PCDHGA4: variants seen among roughly 807,000 people sequenced by gnomAD.
PCDHGA4 encodes the protein protocadherin gamma subfamily A, 4.
A neutral mutation model predicts 54.6 loss-of-function variants in PCDHGA4; 38 were observed. The observed-to-expected ratio is 0.70, with a 90% CI of 0.54 to 0.91. PCDHGA4 has a LOEUF of 0.91. Among genes scored for constraint, PCDHGA4 ranks in the 40% least tolerant of loss-of-function variants. The pLI, the probability that PCDHGA4 is intolerant of heterozygous loss-of-function variation, is 0.00. For missense variants in PCDHGA4, 1,298 were observed against 1,220.9 expected, an observed-to-expected ratio of 1.06 and a Z score of -0.94; for synonymous variants, 511 against 512.9, an observed-to-expected ratio of 1.00 and a Z score of 0.05.
intron 1 of PCDHGA4, chr5:141,441,650 G>C (rs932742795): frequency 8.4e-6 from 2 of 238,510 alleles, no homozygotes; most frequent in African/African-American, 2.4e-5. Context: ...TGTGATTCTA[G>C]GTGTCCTTGA....
At chr5:141,399,722 A>G in intron 1 of PCDHGA4, 4 of 1,613,264 alleles carry the variant, frequency 2.5e-6, no homozygotes, top group Non-Finnish European at 3.4e-6. Context: ...CAGGCCCGCG[A>G]CCAGGGCTCG....
At position 141,476,513 on chromosome 5, in the gene PCDHGA4, C is replaced by T; in HGVS notation, c.2515-18294C>T. 1 of 1,614,196 alleles carries T rather than the reference C, an allele frequency of 6.2e-7. No individual in the cohort carries two copies. Among genetic ancestry groups the T allele is most frequent in the Non-Finnish European group, 8.5e-7 (1 of 1,180,034 alleles). On this transcript the variant is annotated intron_variant, in intron 1 of 3. Coordinates refer to ENST00000571252, the MANE Select transcript of PCDHGA4 (RefSeq NM_018917.4). The surrounding 1 kb of genome is among the most constrained non-coding windows in gnomAD (Gnocchi z 7.6). ...GATCCAGGACATCAACGACAACAAT[C>T]CTGCTTTCCCTACCCAGGAAATGAA...
At chr5:141,393,722 A>T in intron 1 of PCDHGA4, 1 of 1,613,892 alleles carries the variant, frequency 6.2e-7, no homozygotes, top group Non-Finnish European at 8.5e-7. Context: ...AAATATCAAT[A>T]GCAAAAAGTC....
intron 1 of PCDHGA4, among the ~76,000 whole-genome samples, chr5:141,481,676 G>A (rs975849679): frequency 3.3e-5 from 5 of 152,028 alleles, no homozygotes; most frequent in Admixed American, 1.3e-4. Flanking sequence ...AAATCAGGCC[G>A]GGCCTGGTGG....
chr5:141,361,157 A>C, intron 1 of PCDHGA4: 1 of 1,613,974 alleles, frequency 6.2e-7, no homozygotes, highest in African/African-American at 1.3e-5. Context: ...CTTGATGACA[A>C]CGATTGTGCA....
intron 1 of PCDHGA4, among the ~76,000 whole-genome samples, chr5:141,450,093 G>A (rs1330425383): frequency 2.8e-5 from 4 of 143,748 alleles, no homozygotes; most frequent in East Asian, 2.1e-4. Context: ...TGCAACCTCC[G>A]CCTCCCAGGT....
intron 1 of PCDHGA4, chr5:141,418,840 C>T: frequency 6.2e-7 from 1 of 1,614,006 alleles, no homozygotes; most frequent in Middle Eastern, 1.6e-4. Context: ...GAGGATCTCT[C>T]TCAACACGGT....
intron 1 of PCDHGA4, chr5:141,388,545 C>T (rs1293366202): frequency 6.2e-7 from 1 of 1,613,680 alleles, no homozygotes; most frequent in Non-Finnish European, 8.5e-7. Flanking sequence ...TGGAGCTCCA[C>T]CCCTAAGCAG....
intron 1 of PCDHGA4, chr5:141,371,857 C>G (rs1768115675): frequency 6.2e-7 from 1 of 1,613,484 alleles, no homozygotes; most frequent in Admixed American, 1.7e-5. Flanking sequence ...GGCCTTGTCT[C>G]CTACTACATC....
At chr5:141,495,071 C>A (rs1391869079) in intron 2 of PCDHGA4, among the ~76,000 whole-genome samples, 1 of 152,160 alleles carries the variant, frequency 6.6e-6, no homozygotes, top group Non-Finnish European at 1.5e-5. Flanking sequence ...AAGCTCAATT[C>A]ACATGCTTGC....
In PCDHGA4 at chr5:141,485,935, C is replaced by T. The variant is rs2099621642; in HGVS notation, c.2515-8872C>T. The T allele has an allele frequency of 6.2e-7, 1 of 1,614,026 alleles. No homozygotes were observed. Among genetic ancestry groups the T allele is most frequent in the Non-Finnish European group, 8.5e-7 (1 of 1,180,038 alleles). On this transcript the variant is annotated intron_variant, in intron 1 of 3. Coordinates refer to ENST00000571252, the MANE Select transcript of PCDHGA4 (RefSeq NM_018917.4). The surrounding 1 kb of genome is among the most constrained non-coding windows in gnomAD (Gnocchi z 5.7). Reference sequence around the variant, plus strand: ...GCTACAGGATTAGTGTGTTGGAGAGCGCACCAGCGGGCATGGTGCTCATCC... The same window carrying T: ...GCTACAGGATTAGTGTGTTGGAGAGTGCACCAGCGGGCATGGTGCTCATCC...
intron 1 of PCDHGA4, among the ~76,000 whole-genome samples, chr5:141,475,171 C>A (rs545499118): frequency 6.6e-6 from 1 of 152,164 alleles, no homozygotes; most frequent in African/African-American, 2.4e-5. Context: ...AGCAGTGCAA[C>A]TTCTTGTGGC....
intron 1 of PCDHGA4, among the ~76,000 whole-genome samples, chr5:141,368,345 A>G (rs1765594153): frequency 6.6e-6 from 1 of 152,166 alleles, no homozygotes; most frequent in South Asian, 2.1e-4. Context: ...ATATACATAT[A>G]CACACACATA....
chr5:141,440,077 C>T (rs983267885), intron 1 of PCDHGA4: 1 of 152,424 alleles, frequency 6.6e-6, no homozygotes, highest in Non-Finnish European at 1.5e-5. Flanking sequence ...AGGAATAATA[C>T]TTCATTCTAA....
chr5:141,448,983 T>G (rs1157371020), intron 1 of PCDHGA4, among the ~76,000 whole-genome samples: 1 of 152,004 alleles, frequency 6.6e-6, no homozygotes, highest in East Asian at 1.9e-4. Flanking sequence ...ACTTCCATAT[T>G]AATATATAGA....
At chr5:141,412,861 A>T (rs925106716) in intron 1 of PCDHGA4, 19 of 235,604 alleles carry the variant, frequency 8.1e-5, no homozygotes, top group African/African-American at 3.4e-4. Context: ...CAAAGAATCT[A>T]TGTAAAATAT....
Position 141,453,588 on chromosome 5 carries a change from CTG to C in PCDHGA4, c.2515-41215_2515-41214del, listed in dbSNP as rs572244169. ...TTCATTAGTTTGTGGTTTATCCTCA[CTG>C]TGTTTCTTTTTGCAAAACGCAAAAA... On this transcript the variant is annotated intron_variant, in intron 1 of 3. Coordinates refer to ENST00000571252, the MANE Select transcript of PCDHGA4 (RefSeq NM_018917.4). Among the ~76,000 whole-genome samples the C allele has an allele frequency of 5.9e-5, 9 of 152,296 alleles. No individual in the cohort carries two copies. In the South Asian group the frequency reaches 1.5e-3, roughly 25 times the overall value.
chr5:141,446,775 T>C (rs1175892018), intron 1 of PCDHGA4, among the ~76,000 whole-genome samples: 2 of 152,188 alleles, frequency 1.3e-5, no homozygotes, highest in Admixed American at 6.5e-5. Context: ...CCGGTTACCA[T>C]TCTTTTACTC....
chr5:141,427,881 C>A, intron 1 of PCDHGA4: 1 of 1,563,720 alleles, frequency 6.4e-7, no homozygotes, highest in African/African-American at 1.3e-5. Context: ...GATGCAGGCC[C>A]ACGACCAGGG....
Sources: gnomAD v4.1 joint callset for allele counts (sites outside exome capture counted in the v4.1 genomes callset) on GRCh38, gnomAD v4.1.1 for gene constraint, Gnocchi (gnomAD v3.1) non-coding constraint, MANE v1.5 for transcripts, NCBI Gene and HGNC (gene_info 2026-07-23, HGNC 2026-07-21) for gene names.